Variants in CNTNAP2 observed in about 807,000 individuals in gnomAD.
CNTNAP2 encodes contactin associated protein 2, also known as contactin-associated protein-like 2.
A neutral mutation model predicts 155.2 loss-of-function variants in CNTNAP2; 98 were observed. The ratio of observed to expected loss-of-function variants is 0.63; its 90% CI spans 0.54 to 0.75. The LOEUF is 0.75. Ranked by LOEUF, CNTNAP2 falls within the 30% of genes least tolerant of loss-of-function variation. The probability of loss-of-function intolerance (pLI) is 0.00; values close to 1 mark genes in which losing one functional copy is unlikely to be tolerated. For missense variants in CNTNAP2, 1,727 were observed against 1,688.1 expected (o/e 1.02, Z -0.40); for synonymous variants, 651 against 631.2 (o/e 1.03, Z -0.47).
At chr7:146,388,996 G>T (rs980620377) in intron 1 of CNTNAP2, among the ~76,000 whole-genome samples, 1 of 152,126 alleles carries the variant, frequency 6.6e-6, no homozygotes, top group African/African-American at 2.4e-5. Context: ...CCTGACTTCA[G>T]AAGAACTGGC....
At chr7:147,455,250 A>G (rs535403852) in intron 10 of CNTNAP2, among the ~76,000 whole-genome samples, 2 of 152,254 alleles carry the variant, frequency 1.3e-5, no homozygotes, top group South Asian at 4.1e-4. Flanking sequence ...ATAACTCTGA[A>G]ATCAGGAATT....
chr7:146,931,749 G>C (rs1259057242), intron 3 of CNTNAP2, among the ~76,000 whole-genome samples: 1 of 149,518 alleles, frequency 6.7e-6, no homozygotes, highest in African/African-American at 2.5e-5. Flanking sequence ...AAATGATAAA[G>C]GGGATATCAC....
chr7:148,155,581 G>T (rs548305693), intron 17 of CNTNAP2, among the ~76,000 whole-genome samples: 7 of 152,256 alleles, frequency 4.6e-5, no homozygotes, highest in Admixed American at 2.0e-4. Context: ...GAGACAGGGT[G>T]CTATTTTCCT....
intron 8 of CNTNAP2, among the ~76,000 whole-genome samples, chr7:147,292,407 G>T (rs577509113): frequency 6.6e-6 from 1 of 152,192 alleles, no homozygotes; most frequent in Non-Finnish European, 1.5e-5. Flanking sequence ...GAAATCAAAT[G>T]ATAAGTTCTC....
At chr7:147,234,339 T>TTTG (rs1405949252) in intron 8 of CNTNAP2, among the ~76,000 whole-genome samples, 1 of 143,800 alleles carries the variant, frequency 7.0e-6, no homozygotes. Context: ...GTATTCTTTT[T>TTTG]TTTTTTTTTT....
chr7:147,621,639 G>A (rs1458315769), intron 12 of CNTNAP2, among the ~76,000 whole-genome samples: 2 of 151,638 alleles, frequency 1.3e-5, no homozygotes, highest in African/African-American at 2.4e-5. Context: ...TCAAACAATG[G>A]ATACACACAA....
At chr7:147,122,480 A>G (rs1170422647) in intron 6 of CNTNAP2, 1 of 152,220 alleles carries the variant, frequency 6.6e-6, no homozygotes, top group Non-Finnish European at 1.5e-5. Context: ...TTCTTAAACA[A>G]CAGCAATTAT....
intron 13 of CNTNAP2, among the ~76,000 whole-genome samples, chr7:147,874,865 G>T (rs541670915): frequency 1.0e-3 from 153 of 152,240 alleles, no homozygotes; most frequent in African/African-American, 3.5e-3. Flanking sequence ...CAAGTTCAAA[G>T]TTCCGCAGAT....
intron 9 of CNTNAP2, among the ~76,000 whole-genome samples, chr7:147,312,060 A>T (rs1795137239): frequency 6.6e-6 from 1 of 152,096 alleles, no homozygotes; most frequent in Admixed American, 6.5e-5. Flanking sequence ...GTTTTTAAAA[A>T]GATCAGATTT....
chr7:148,253,907 CT>C (rs914227905), intron 20 of CNTNAP2, among the ~76,000 whole-genome samples: 1 of 152,138 alleles, frequency 6.6e-6, no homozygotes, highest in African/African-American at 2.4e-5. Flanking sequence ...ATACTCAAAT[CT>C]TGTGGTCAGC....
At position 146,623,102 on chromosome 7, in the gene CNTNAP2, A is replaced by G. The variant is rs531676599; in HGVS notation, c.98-151169A>G. Among the ~76,000 whole-genome samples, 211 of 152,222 alleles carry G rather than the reference A, an allele frequency of 1.4e-3. 1 individual carries two copies. The highest frequency in any genetic ancestry group is 5.0e-3 in the African/African-American group (206 of 41,506). On this transcript the variant is annotated intron_variant, in intron 1 of 23. Transcript: ENST00000361727. ...AGCCCCCTGGAGAATAACTTTGTCAAACAGAGAACAGGATTTATGTGCAAT... is the reference window on the plus strand; with the variant it reads ...AGCCCCCTGGAGAATAACTTTGTCAGACAGAGAACAGGATTTATGTGCAAT...
At chr7:146,349,538 AGTTGACGCAGT>A (rs1221649962) in intron 1 of CNTNAP2, among the ~76,000 whole-genome samples, 2 of 152,134 alleles carry the variant, frequency 1.3e-5, no homozygotes, top group African/African-American at 2.4e-5. Flanking sequence ...TTTGCTCGTT[AGTTGACGCAGT>A]TTTCTTCCTA....
chr7:147,936,472 A>T (rs987848898), intron 14 of CNTNAP2, among the ~76,000 whole-genome samples: 1 of 152,146 alleles, frequency 6.6e-6, no homozygotes, highest in South Asian at 2.1e-4. Context: ...TGTATCTAGC[A>T]ACCTGGAATA....
intron 9 of CNTNAP2, among the ~76,000 whole-genome samples, chr7:147,376,340 G>A (rs144638558): frequency 1.2e-3 from 181 of 151,960 alleles, no homozygotes; most frequent in Middle Eastern, 3.4e-3. Context: ...TTATGCCCTG[G>A]GTGCTACTGA....
chr7:148,356,900 C>CAA (rs898262041), intron 21 of CNTNAP2, among the ~76,000 whole-genome samples: 2 of 147,366 alleles, frequency 1.4e-5, no homozygotes, highest in African/African-American at 5.1e-5. Context: ...ATTAAAAAAA[C>CAA]AAAAAAACAA....
At chr7:148,146,834 T>C (rs569612694) in intron 16 of CNTNAP2, among the ~76,000 whole-genome samples, 1 of 152,318 alleles carries the variant, frequency 6.6e-6, no homozygotes, top group South Asian at 2.1e-4. Flanking sequence ...TTACCCTCAT[T>C]ACACCAACAA....
At chr7:146,643,640 C>T (rs909915198) in intron 1 of CNTNAP2, among the ~76,000 whole-genome samples, 14 of 152,152 alleles carry the variant, frequency 9.2e-5, no homozygotes, top group Non-Finnish European at 1.8e-4. Context: ...CTTGGCGATG[C>T]AGGCTCTTTT....
intron 13 of CNTNAP2, among the ~76,000 whole-genome samples, chr7:147,856,901 CAAGG>C (rs1163961089): frequency 6.6e-6 from 1 of 152,052 alleles, no homozygotes; most frequent in African/African-American, 2.4e-5. Context: ...ACCCCTCACC[CAAGG>C]AAATCTGTCT....
intron 1 of CNTNAP2, among the ~76,000 whole-genome samples, chr7:146,197,440 G>A (rs926290071): frequency 2.2e-4 from 34 of 152,106 alleles, no homozygotes; most frequent in African/African-American, 8.2e-4. Context: ...TTGTAATTAA[G>A]ACGTGACAGT....
Sources: allele counts gnomAD v4.1 joint callset (sites outside exome capture counted in the v4.1 genomes callset), GRCh38; gene constraint gnomAD v4.1.1; transcripts MANE v1.5; gene names NCBI Gene and HGNC (gene_info 2026-07-23, HGNC 2026-07-21).